The following PTPRT variants were observed in gnomAD, a reference collection of about 807,000 sequenced individuals.
PTPRT encodes the protein protein tyrosine phosphatase receptor type T.
Under a neutral mutation model 176.8 loss-of-function variants are expected in PTPRT, and 56 were observed. The ratio of observed to expected loss-of-function variants is 0.32; its 90% CI spans 0.26 to 0.40. The LOEUF is 0.40. Among genes scored for constraint, PTPRT ranks in the 10% least tolerant of loss-of-function variants. The probability of loss-of-function intolerance (pLI) is 1.00; values close to 1 mark genes in which losing one functional copy is unlikely to be tolerated. For synonymous variants in PTPRT, 783 were observed against 739.0 expected (o/e 1.06, Z -0.96); for missense variants, 1,540 against 1,908.2 (o/e 0.81, Z 3.60).
chr20:42,370,788 A>G (rs1195235740), intron 9 of PTPRT, among the ~76,000 whole-genome samples: 1 of 152,198 alleles, frequency 6.6e-6, no homozygotes, highest in East Asian at 1.9e-4. Flanking sequence ...AAAAGCAACC[A>G]TCTATACTGT....
chr20:42,398,852 G>A (rs759795246), intron 9 of PTPRT, among the ~76,000 whole-genome samples: 1 of 152,306 alleles, frequency 6.6e-6, no homozygotes, highest in South Asian at 2.1e-4. Flanking sequence ...TGTTCTGCTA[G>A]AACTGCTCGA....
rs540543601 is a variant in PTPRT at position 42,941,081 on chromosome 20, C to CAAAA, written c.89-55153_89-55150dup. ...TGGGCGACAGAGCAAGACTCCATCT[C>CAAAA]AAAAAAAAATAATAATAATAATAAT... On this transcript the variant is annotated intron_variant, in intron 1 of 30. Transcript: ENST00000373187. 5.5e-3 allele frequency among the ~76,000 whole-genome samples: 811 copies of CAAAA among 148,114 alleles called. 5 individuals carry two copies. Among genetic ancestry groups the CAAAA allele is most frequent in the African/African-American group, 0.019 (766 of 39,842 alleles).
intron 15 of PTPRT, among the ~76,000 whole-genome samples, chr20:42,229,628 C>A (rs1377965817): frequency 1.3e-5 from 2 of 152,140 alleles, no homozygotes; most frequent in Non-Finnish European, 2.9e-5. Flanking sequence ...TTTGGTGAGG[C>A]CCTACTATGT....
intron 6 of PTPRT, among the ~76,000 whole-genome samples, chr20:42,700,294 A>C (rs1320607093): frequency 2.0e-5 from 3 of 152,144 alleles, no homozygotes; most frequent in African/African-American, 7.2e-5. Context: ...GTCTCTCCAC[A>C]GCAGGCAGTC....
intron 11 of PTPRT, among the ~76,000 whole-genome samples, chr20:42,322,081 G>A (rs936182752): frequency 2.6e-5 from 4 of 152,016 alleles, no homozygotes; most frequent in African/African-American, 9.7e-5. Context: ...CAAATAAATG[G>A]AAGAACATTT....
At chr20:42,538,635 A>G (rs1223854353) in intron 7 of PTPRT, among the ~76,000 whole-genome samples, 1 of 152,218 alleles carries the variant, frequency 6.6e-6, no homozygotes, top group Non-Finnish European at 1.5e-5. Flanking sequence ...ATCATTGCTC[A>G]GTACAGAGAC....
At chr20:42,957,294 C>T (rs371341143) in intron 1 of PTPRT, among the ~76,000 whole-genome samples, 3 of 152,232 alleles carry the variant, frequency 2.0e-5, no homozygotes, top group East Asian at 3.9e-4. Flanking sequence ...CCCTCGTAAA[C>T]GTCACCTGCT....
intron 7 of PTPRT, among the ~76,000 whole-genome samples, chr20:42,514,748 G>A (rs1446676266): frequency 6.6e-6 from 1 of 152,086 alleles, no homozygotes; most frequent in East Asian, 1.9e-4. Flanking sequence ...TTGATTCTGT[G>A]CATAGTGAGT....
chr20:42,315,586 A>T, intron 12 of PTPRT, 137 bp downstream of exon 12: 1 of 1,000,260 alleles, frequency 1.0e-6, no homozygotes, highest in Non-Finnish European at 1.4e-6. Flanking sequence ...TTATTTTTTT[A>T]ATTTAAAGGC....
chr20:42,733,918 C>A (rs140063413), intron 6 of PTPRT, among the ~76,000 whole-genome samples: 190 of 152,266 alleles, frequency 1.2e-3, no homozygotes, highest in Non-Finnish European at 2.2e-3. Flanking sequence ...AGGAAAAGGC[C>A]TTGGTGGCAA....
chr20:42,379,684 G>A (rs539980000), intron 9 of PTPRT, among the ~76,000 whole-genome samples: 1 of 152,358 alleles, frequency 6.6e-6, no homozygotes, highest in South Asian at 2.1e-4. Context: ...GACTGGCCGA[G>A]GCTTGATGCC....
chr20:42,494,405 G>C (rs62204950), intron 7 of PTPRT, among the ~76,000 whole-genome samples: 3,935 of 152,230 alleles, frequency 0.026, 94 homozygotes, highest in South Asian at 0.099. Context: ...ATAAGGCATG[G>C]ATTTAGCGGA....
chr20:43,128,851 T>C (rs1039974028), intron 1 of PTPRT, among the ~76,000 whole-genome samples: 20 of 152,228 alleles, frequency 1.3e-4, no homozygotes, highest in African/African-American at 4.6e-4. Context: ...CTGCCCACAC[T>C]GTAAGCTGAG....
chr20:42,777,616 A>G (rs1484376693), intron 4 of PTPRT, among the ~76,000 whole-genome samples: 2 of 152,186 alleles, frequency 1.3e-5, no homozygotes, highest in African/African-American at 4.8e-5. Flanking sequence ...AAACACCATG[A>G]GTACAAGGAC....
intron 17 of PTPRT, among the ~76,000 whole-genome samples, chr20:42,149,214 G>C (rs972692044): frequency 2.0e-5 from 3 of 152,166 alleles, no homozygotes; most frequent in Admixed American, 6.5e-5. Context: ...CATTCAGAGG[G>C]AACAGCAAGT....
the PTPRT span, among the ~76,000 whole-genome samples, chr20:42,045,489 A>G: frequency 2.0e-5 from 3 of 151,168 alleles, no homozygotes; most frequent in African/African-American, 7.3e-5. Context: ...TGATCCATAC[A>G]TTAAAATGTC....
intron 1 of PTPRT, among the ~76,000 whole-genome samples, chr20:43,037,688 A>G (rs1374688255): frequency 2.0e-5 from 3 of 152,204 alleles, no homozygotes; most frequent in Admixed American, 2.0e-4. Context: ...TCTGGTGGCA[A>G]TGGCCTGTGC....
rs1391544176 is a variant in PTPRT at position 42,077,295 on chromosome 20, A to C, written c.*3584T>G. ...CTGGTTGGCCCAGATTCTTCACCCC[A>C]GAAAGGATGCAATGTTGGAGTGCAG... On this transcript the variant is annotated 3_prime_UTR_variant, in exon 31 of 31. Coordinates refer to ENST00000373187, the MANE Select transcript of PTPRT (RefSeq NM_007050.6). 5.3e-6 allele frequency: 1 copy of C among 188,704 alleles called. No individual in the cohort carries two copies. Among genetic ancestry groups the C allele is most frequent in the Non-Finnish European group, 1.1e-5 (1 of 89,728 alleles). 11.7% of individuals were successfully genotyped at this position (188,704 alleles called of 1,614,324 possible).
At chr20:42,291,416 T>G (rs2057314704) in intron 12 of PTPRT, among the ~76,000 whole-genome samples, 2 of 152,160 alleles carry the variant, frequency 1.3e-5, no homozygotes, top group Non-Finnish European at 2.9e-5. Context: ...CTGGGAGATA[T>G]GCAATAAACA....
Sources: allele counts gnomAD v4.1 joint callset (sites outside exome capture counted in the v4.1 genomes callset), GRCh38; gene constraint gnomAD v4.1.1; transcripts MANE v1.5; gene names NCBI Gene and HGNC (gene_info 2026-07-23, HGNC 2026-07-21).